ZNF438: variants seen among roughly 807,000 people sequenced by gnomAD.
ZNF438 encodes the protein zinc finger protein 438.
ZNF438 carries 25 observed loss-of-function variants against 38.0 expected under a neutral mutation model. The observed-to-expected ratio is 0.66, with a 90% CI of 0.48 to 0.92. The LOEUF (loss-of-function observed/expected upper bound fraction) is 0.92. ZNF438 is among the 40% of genes least tolerant of loss of function. The pLI is 0.00. For missense variants in ZNF438, 1,007 were observed against 999.6 expected, an observed-to-expected ratio of 1.01 and a Z score of -0.10; for synonymous variants, 372 against 364.1, an observed-to-expected ratio of 1.02 and a Z score of -0.25.
At chr10:30,887,464 A>G (rs1414494610) in intron 3 of ZNF438, among the ~76,000 whole-genome samples, 2 of 149,158 alleles carry the variant, frequency 1.3e-5, no homozygotes, top group Non-Finnish European at 3.0e-5. Flanking sequence ...TCCAGCCCAG[A>G]TTCCTCCTCC....
chr10:31,020,107 A>G (rs2056482852), intron 1 of ZNF438, among the ~76,000 whole-genome samples: 1 of 152,248 alleles, frequency 6.6e-6, no homozygotes, highest in Admixed American at 6.5e-5. Flanking sequence ...ACACAGAGAA[A>G]AACACATTTC....
At chr10:30,867,995 C>A (rs181394600) in intron 4 of ZNF438, among the ~76,000 whole-genome samples, 5 of 151,848 alleles carry the variant, frequency 3.3e-5, no homozygotes, top group African/African-American at 4.8e-5. Context: ...ATTTTTCCCC[C>A]AATTTTAAGA....
chr10:30,932,575 A>T (rs2045815226), intron 2 of ZNF438, among the ~76,000 whole-genome samples: 1 of 152,196 alleles, frequency 6.6e-6, no homozygotes, highest in Admixed American at 6.5e-5. Flanking sequence ...AAGATCACAT[A>T]GCAAATAAGT....
At chr10:30,961,165 T>A (rs1313343438) in intron 1 of ZNF438, among the ~76,000 whole-genome samples, 1 of 144,716 alleles carries the variant, frequency 6.9e-6, no homozygotes, top group East Asian at 1.9e-4. Flanking sequence ...AAAAAAAAGT[T>A]TTTTTTACAT....
At chr10:30,996,108 T>A (rs1251129690) in intron 1 of ZNF438, among the ~76,000 whole-genome samples, 2 of 152,058 alleles carry the variant, frequency 1.3e-5, no homozygotes, top group Non-Finnish European at 2.9e-5. Context: ...AAATATATAT[T>A]TTTAAAAGTA....
At chr10:30,845,510 T>C (rs775056820) in exon 6 of ZNF438, 2 of 1,614,062 alleles carry the variant, frequency 1.2e-6, no homozygotes, top group Non-Finnish European at 1.7e-6. Context: ...CACATTTGAT[T>C]TGTAATTTGA....
chr10:30,859,865 T>C (rs773789770), intron 4 of ZNF438, among the ~76,000 whole-genome samples: 4 of 152,148 alleles, frequency 2.6e-5, no homozygotes, highest in Admixed American at 1.3e-4. Context: ...ATCCTTAAAG[T>C]AGTGTTTCTA....
chr10:31,030,025 T>C (rs2057183198), intron 1 of ZNF438, among the ~76,000 whole-genome samples: 1 of 152,240 alleles, frequency 6.6e-6, no homozygotes, highest in Admixed American at 6.5e-5. Context: ...AGTTGCCTCA[T>C]CTATGAAAGG....
intron 1 of ZNF438, among the ~76,000 whole-genome samples, chr10:30,951,452 T>C (rs558059984): frequency 5.3e-4 from 80 of 152,100 alleles, no homozygotes; most frequent in African/African-American, 1.8e-3. Context: ...AAAGAGGAAG[T>C]CAAATTGTAC....
intron 1 of ZNF438, among the ~76,000 whole-genome samples, chr10:30,944,275 T>C (rs1357838894): frequency 2.0e-5 from 3 of 152,214 alleles, no homozygotes; most frequent in African/African-American, 7.2e-5. Flanking sequence ...CAGGGCAAGT[T>C]AAGTCAATCC....
At chr10:30,946,936 C>T (rs188636936) in intron 1 of ZNF438, among the ~76,000 whole-genome samples, 1 of 152,240 alleles carries the variant, frequency 6.6e-6, no homozygotes, top group Admixed American at 6.5e-5. Context: ...ATTTAACCTG[C>T]CACAACATAA....
chr10:30,848,981 G>C (rs1170914559), exon 5 of ZNF438: 1 of 1,614,210 alleles, frequency 6.2e-7, no homozygotes, highest in South Asian at 1.1e-5. Flanking sequence ...ATATTTAGGA[G>C]TGAGTGAATT....
At chr10:30,990,898 TC>T in intron 1 of ZNF438, among the ~76,000 whole-genome samples, 1 of 151,252 alleles carries the variant, frequency 6.6e-6, no homozygotes. Context: ...AGAGACAACT[TC>T]CAGAATGGAG....
At position 30,844,980 on chromosome 10, in the gene ZNF438, G is replaced by GA; in HGVS notation, c.2467dup (p.Ser823PhefsTer3). On this transcript the variant is annotated frameshift_variant, in exon 6 of 6. Coordinates refer to ENST00000413025, the Ensembl canonical transcript of ZNF438. LOFTEE classifies it low-confidence loss of function (END_TRUNC). ...GGGGTCTCATTTCTCAGCTTCACTG[G>GA]AAAGTTCGATCACTCCCTGGTTGGA... 6.2e-7 allele frequency: 1 copy of GA among 1,613,800 alleles called. No homozygotes were observed. Among genetic ancestry groups the GA allele is most frequent in the Non-Finnish European group, 8.5e-7 (1 of 1,179,774 alleles).
At chr10:31,007,385 G>A (rs969834661) in intron 1 of ZNF438, among the ~76,000 whole-genome samples, 9 of 148,998 alleles carry the variant, frequency 6.0e-5, no homozygotes, top group East Asian at 4.0e-4. Context: ...AGGTTCAAGC[G>A]ATTCTCCTGT....
intron 3 of ZNF438, among the ~76,000 whole-genome samples, chr10:30,893,688 C>T (rs940903124): frequency 6.6e-6 from 1 of 151,990 alleles, no homozygotes; most frequent in Non-Finnish European, 1.5e-5. Flanking sequence ...GATATGTGAA[C>T]CCAATTAACC....
intron 3 of ZNF438, among the ~76,000 whole-genome samples, chr10:30,893,347 A>G (rs2040930129): frequency 6.6e-6 from 1 of 152,166 alleles, no homozygotes. Flanking sequence ...CCACCAACAA[A>G]CTACAAATGG....
At chr10:30,845,339 C>T in exon 6 of ZNF438, 1 of 1,614,174 alleles carries the variant, frequency 6.2e-7, no homozygotes, top group South Asian at 1.1e-5. Context: ...TCTCAGGATG[C>T]CTTTTCCAGT....
intron 1 of ZNF438, among the ~76,000 whole-genome samples, chr10:30,970,923 A>G (rs2050672140): frequency 6.6e-6 from 1 of 152,198 alleles, no homozygotes; most frequent in Non-Finnish European, 1.5e-5. Flanking sequence ...TTCATTCCTA[A>G]AAGTTGAGCA....
Sources: gnomAD v4.1 joint callset for allele counts (sites outside exome capture counted in the v4.1 genomes callset) on GRCh38, gnomAD v4.1.1 for gene constraint, MANE v1.5 for transcripts, NCBI Gene and HGNC (gene_info 2026-07-23, HGNC 2026-07-21) for gene names.